HLCS: variants seen among roughly 807,000 people sequenced by gnomAD.
The protein encoded by HLCS is biotin--protein ligase.
A neutral mutation model predicts 75.0 loss-of-function variants in HLCS; 53 were observed. The observed-to-expected ratio is 0.71, with a 90% CI of 0.57 to 0.89. The LOEUF (loss-of-function observed/expected upper bound fraction) is 0.89, where lower values mean the gene tolerates loss of function less well. Among genes scored for constraint, HLCS ranks in the 40% least tolerant of loss-of-function variants. The probability of loss-of-function intolerance (pLI) is 0.00; values close to 1 mark genes in which losing one functional copy is unlikely to be tolerated. For synonymous variants in HLCS, 431 were observed against 428.6 expected (o/e 1.01, Z -0.07); for missense variants, 966 against 1,074.0 (o/e 0.90, Z 1.41).
At position 36,900,367 on chromosome 21, in the gene HLCS, T is replaced by A. The variant is rs116404925; in HGVS notation, c.1621-3236A>T. Among the ~76,000 whole-genome samples the A allele has an allele frequency of 4.1e-3, 624 of 152,250 alleles. 5 individuals are homozygous for A. Among genetic ancestry groups the A allele is most frequent in the African/African-American group, 0.014 (573 of 41,552 alleles). On this transcript the variant is annotated intron_variant, in intron 5 of 10. Coordinates refer to ENST00000674895, the MANE Select transcript of HLCS (RefSeq NM_001352514.2). ...TTATTTATAAAGGGATTCCAGCAAG[T>A]GCAGAGGCTCCCGGAGCAGGGAAAG...
At chr21:36,891,554 C>T (rs1289527605) in intron 6 of HLCS, among the ~76,000 whole-genome samples, 2 of 152,130 alleles carry the variant, frequency 1.3e-5, no homozygotes, top group Admixed American at 6.5e-5. Flanking sequence ...CACAGGTTCT[C>T]GACTGCTGAC....
chr21:36,973,064 C>CAA (rs34220466), intron 1 of HLCS, among the ~76,000 whole-genome samples: 41 of 150,476 alleles, frequency 2.7e-4, no homozygotes, highest in African/African-American at 7.8e-4. Flanking sequence ...AAAAAAAAAA[C>CAA]AAAACATTTT....
intron 3 of HLCS, among the ~76,000 whole-genome samples, chr21:36,938,376 C>T (rs533662976): frequency 1.8e-4 from 28 of 152,320 alleles, no homozygotes; most frequent in Non-Finnish European, 3.5e-4. Flanking sequence ...AAAATCTTGA[C>T]ACATGCATGA....
chr21:36,753,320 AC>A lies in HLCS; in HGVS notation c.*925del, dbSNP rs2089437372. On this transcript the variant is annotated 3_prime_UTR_variant, in exon 11 of 11. Coordinates refer to ENST00000674895, the MANE Select transcript of HLCS (RefSeq NM_001352514.2). The surrounding 1 kb of genome is among the most constrained non-coding windows in gnomAD (Gnocchi z 4.3). ...ATGTCTTCTATATTCCGTGAGCTGC[AC>A]AGTCTTGCAGGAATGCTCCACATTT... 6.6e-6 allele frequency: 1 copy of A among 152,262 alleles called. No homozygotes were observed. The allele number at this position is 152,262 out of a possible 1,614,324, so 9.4% of individuals were successfully genotyped here. A position where few individuals can be genotyped will look rare whatever the true frequency, so the allele number is the denominator to read the frequency against.
At chr21:36,977,109 G>A (rs1317438933) in intron 1 of HLCS, among the ~76,000 whole-genome samples, 1 of 151,948 alleles carries the variant, frequency 6.6e-6, no homozygotes, top group East Asian at 1.9e-4. Flanking sequence ...AAGTGACGTA[G>A]AACTGCTAGC....
chr21:36,760,980 A>C (rs893617819), intron 8 of HLCS, among the ~76,000 whole-genome samples: 1 of 152,244 alleles, frequency 6.6e-6, no homozygotes, highest in Admixed American at 6.5e-5. Context: ...CTGGAGATGC[A>C]AGGCTGGAAG....
Position 36,759,774 on chromosome 21 carries a change from A to G in HLCS, c.2189T>C (p.Val730Ala). Residue 730 changes from valine (V) to alanine (A), a missense_variant, in exon 9 of 11, where the codon GTT becomes GCT. Transcript: ENST00000674895. Reference sequence around the variant, plus strand: ...TCCCATGAGTGTTGAGTTAACCAGAACTCCGCCGATCTTCATGAGGTCACT... The same window carrying G: ...TCCCATGAGTGTTGAGTTAACCAGAGCTCCGCCGATCTTCATGAGGTCACT... ...YYSDLMKIGG[V>A]LVNSTLMGET... The G allele has an allele frequency of 6.2e-7, 1 of 1,613,590 alleles. No individual in the cohort carries two copies. Among genetic ancestry groups the G allele is most frequent in the Non-Finnish European group, 8.5e-7 (1 of 1,179,578 alleles).
rs74574054 is a variant in HLCS at position 36,896,941 on chromosome 21, C to T, written c.1811G>A (p.Arg604His). Residue 604 changes from arginine to histidine, a missense_variant, in exon 6 of 11, where the codon CGC becomes CAC. Transcript: ENST00000674895. ...SSEHFNLEIY[R>H]QNLQTKQLGK... The stretch of plus-strand genomic sequence containing the variant: ...CAACTGCTTGGTCTGCAGATTTTGG[C>T]GATAGATCTCTAAGTTGAAATGTTC... The T allele has an allele frequency of 1.5e-4, 240 of 1,614,104 alleles. No homozygotes were observed. Among genetic ancestry groups the T allele is most frequent in the African/African-American group, 1.1e-3 (82 of 75,020 alleles).
At position 36,752,419 on chromosome 21, in the gene HLCS, G is replaced by A. The variant is rs768653798; in HGVS notation, c.*1827C>T. The A allele has an allele frequency of 6.6e-6, 1 of 152,640 alleles. No homozygotes were observed. The highest frequency in any genetic ancestry group is 3.4e-3 in the Middle Eastern group (1 of 294). The allele number at this position is 152,640 out of a possible 1,614,324, so 9.5% of individuals were successfully genotyped here. A position where few individuals can be genotyped will look rare whatever the true frequency, so the allele number is the denominator to read the frequency against. On this transcript the variant is annotated 3_prime_UTR_variant, in exon 11 of 11. Coordinates refer to ENST00000674895, the MANE Select transcript of HLCS (RefSeq NM_001352514.2). The stretch of plus-strand genomic sequence containing the variant: ...CCCCCAAAGAAATTCAAAAAGTGAT[G>A]ATGGCAGCTCTGAGAGAGGGCTTGC...
intron 5 of HLCS, among the ~76,000 whole-genome samples, chr21:36,910,716 C>T (rs972338912): frequency 6.6e-6 from 1 of 152,136 alleles, no homozygotes; most frequent in African/African-American, 2.4e-5. Flanking sequence ...TGGGTGTCTG[C>T]GTGTGTGCAC....
intron 6 of HLCS, among the ~76,000 whole-genome samples, chr21:36,850,417 G>A (rs1224047286): frequency 6.6e-6 from 1 of 152,178 alleles, no homozygotes; most frequent in Non-Finnish European, 1.5e-5. Flanking sequence ...CTGGGTACTA[G>A]GTAACCCCTG....
intron 6 of HLCS, among the ~76,000 whole-genome samples, chr21:36,836,078 T>C (rs1437571430): frequency 1.3e-5 from 2 of 152,068 alleles, no homozygotes; most frequent in Non-Finnish European, 2.9e-5. Context: ...TTCATTCTTA[T>C]TACGGTTTGC....
At chr21:36,775,394 C>T (rs994130082) in intron 6 of HLCS, among the ~76,000 whole-genome samples, 9 of 152,218 alleles carry the variant, frequency 5.9e-5, no homozygotes, top group African/African-American at 2.2e-4. Flanking sequence ...TGACACTTCA[C>T]CATAAATACT....
At chr21:36,910,342 T>C (rs2065645940) in intron 5 of HLCS, among the ~76,000 whole-genome samples, 1 of 152,008 alleles carries the variant, frequency 6.6e-6, no homozygotes, top group African/African-American at 2.4e-5. Context: ...GTCAGGAGTT[T>C]GAGACCAGCC....
chr21:36,778,278 AATT>A (rs2060426600), intron 6 of HLCS, among the ~76,000 whole-genome samples: 2 of 146,400 alleles, frequency 1.4e-5, no homozygotes, highest in Non-Finnish European at 3.0e-5. Flanking sequence ...TGCTTGAATC[AATT>A]ATTATTATTA....
intron 6 of HLCS, among the ~76,000 whole-genome samples, chr21:36,799,065 C>T (rs923312587): frequency 6.6e-6 from 1 of 151,946 alleles, no homozygotes; most frequent in Admixed American, 6.6e-5. Context: ...TTTTATAGTT[C>T]ATGCTTTTTG....
intron 2 of HLCS, among the ~76,000 whole-genome samples, chr21:36,945,169 A>T (rs767560437): frequency 6.6e-6 from 1 of 152,160 alleles, no homozygotes; most frequent in Non-Finnish European, 1.5e-5. Context: ...CCTTCCATGA[A>T]TAAGTTCTGA....
chr21:36,873,505 G>A lies in HLCS; in HGVS notation c.1892+23355C>T, dbSNP rs114650253. 1.9e-3 allele frequency among the ~76,000 whole-genome samples: 290 copies of A among 152,330 alleles called. 1 individual carries two copies. The highest frequency in any genetic ancestry group is 6.8e-3 in the African/African-American group (282 of 41,586). ...TTTGTCATTTTATTACTGAGTTGTAGAAGTTCTTTGTATATGTCAGATACG... is the reference window on the plus strand; with the variant it reads ...TTTGTCATTTTATTACTGAGTTGTAAAAGTTCTTTGTATATGTCAGATACG... On this transcript the variant is annotated intron_variant, in intron 6 of 10. Transcript: ENST00000674895.
intron 6 of HLCS, among the ~76,000 whole-genome samples, chr21:36,865,124 G>A (rs532558670): frequency 6.6e-6 from 1 of 151,954 alleles, no homozygotes; most frequent in Non-Finnish European, 1.5e-5. Context: ...GGTGGGGTGC[G>A]TGGCAGTGGG....
Sources: gnomAD v4.1 joint callset for allele counts (sites outside exome capture counted in the v4.1 genomes callset) on GRCh38, gnomAD v4.1.1 for gene constraint, Gnocchi (gnomAD v3.1) non-coding constraint, MANE v1.5 for transcripts, NCBI Gene and HGNC (gene_info 2026-07-23, HGNC 2026-07-21) for gene names.